ST6GALNAC6: variants seen among roughly 807,000 people sequenced by gnomAD.
ST6GALNAC6 encodes alpha-N-acetylgalactosaminide alpha-2,6-sialyltransferase 6.
In ST6GALNAC6, 19 loss-of-function variants were observed where a neutral mutation model predicts 34.3. The ratio of observed to expected loss-of-function variants is 0.55; its 90% CI spans 0.39 to 0.81. ST6GALNAC6 has a LOEUF of 0.81. Among genes scored for constraint, ST6GALNAC6 ranks in the 40% least tolerant of loss-of-function variants. The pLI is 0.00. For missense variants in ST6GALNAC6, 377 were observed against 467.7 expected (o/e 0.81, Z 1.79); for synonymous variants, 185 against 182.1 (o/e 1.02, Z -0.13).
At chr9:127,896,932 T>C (rs1830494992) in intron 2 of ST6GALNAC6, 6 of 985,250 alleles carry the variant, frequency 6.1e-6, no homozygotes, top group Non-Finnish European at 7.2e-6. Context: ...TTCAGGAATA[T>C]CGCTGAATGA....
chr9:127,889,346 CAAA>C (rs550479416), intron 5 of ST6GALNAC6, among the ~76,000 whole-genome samples: 28 of 123,602 alleles, frequency 2.3e-4, no homozygotes, highest in Non-Finnish European at 2.4e-4. Flanking sequence ...GACTCCCTCT[CAAA>C]AAAAAAAAAA....
At chr9:127,897,901 CCATGGT>C in intron 2 of ST6GALNAC6, 49 bp downstream of exon 2, 1 of 1,613,374 alleles carries the variant, frequency 6.2e-7, no homozygotes, top group African/African-American at 1.3e-5. Context: ...TCTGAGAAGG[CCATGGT>C]CAGTACAGCA....
chr9:127,905,908 G>T (rs542872943), upstream of ST6GALNAC6: 5 of 982,934 alleles, frequency 5.1e-6, no homozygotes, highest in East Asian at 4.5e-4. Context: ...CTCCACCTCC[G>T]CCTACCAGAC....
rs1246906807 is a variant in ST6GALNAC6 at position 127,886,297 on chromosome 9, G to T, written c.*302C>A. The T allele has an allele frequency of 1.5e-6, 1 of 651,716 alleles. No individual in the cohort carries two copies. Among genetic ancestry groups the T allele is most frequent in the Admixed American group, 3.7e-5 (1 of 27,244 alleles). 40.4% of individuals were successfully genotyped at this position (651,716 alleles called of 1,614,324 possible). On this transcript the variant is annotated 3_prime_UTR_variant, in exon 7 of 7. Coordinates refer to ENST00000373146, the MANE Select transcript of ST6GALNAC6 (RefSeq NM_013443.5). ...GGGGCTCTGAACCAAGGCCTCATGG[G>T]AAAGGACATGTCCTTAGCCTCAGAT...
At chr9:127,889,989 T>TGGCACCATCCTGGCTCACTGCAGC in intron 5 of ST6GALNAC6, among the ~76,000 whole-genome samples, 1 of 152,204 alleles carries the variant, frequency 6.6e-6, no homozygotes, top group East Asian at 1.9e-4. Context: ...TGGAGTGCAG[T>TGGCACCATCCTGGCTCACTGCAGC]GGCACCATCC....
chr9:127,888,319 C>T lies in ST6GALNAC6; in HGVS notation c.705-728G>A, dbSNP rs541428314. Among the ~76,000 whole-genome samples, 8 of 151,638 alleles carry T rather than the reference C, an allele frequency of 5.3e-5. No individual in the cohort carries two copies. In the South Asian group the frequency reaches 1.0e-3, roughly 20 times the overall value. On this transcript the variant is annotated intron_variant, in intron 5 of 6. Coordinates refer to ENST00000373146, the MANE Select transcript of ST6GALNAC6 (RefSeq NM_013443.5). Reference sequence around the variant, plus strand: ...AGGAATTGGAGACCAGCCTGGCCAACGTGGCGAAACCCTGTCTCTACTAAA... The same window carrying T: ...AGGAATTGGAGACCAGCCTGGCCAATGTGGCGAAACCCTGTCTCTACTAAA...
chr9:127,902,166 T>G (rs1830779696), upstream of ST6GALNAC6, among the ~76,000 whole-genome samples: 1 of 152,222 alleles, frequency 6.6e-6, no homozygotes, highest in Non-Finnish European at 1.5e-5. Context: ...TTTGGTTTTT[T>G]GTTTTTTATT....
Position 127,885,709 on chromosome 9 carries a change from G to A in ST6GALNAC6, c.*890C>T, listed in dbSNP as rs909854879. 2 of 152,220 alleles carry A rather than the reference G, an allele frequency of 1.3e-5. No individual in the cohort carries two copies. Among genetic ancestry groups the A allele is most frequent in the South Asian group, 4.1e-4 (2 of 4,826 alleles). The allele number at this position is 152,220 out of a possible 1,614,324, so 9.4% of individuals were successfully genotyped here. A position where few individuals can be genotyped will look rare whatever the true frequency, so the allele number is the denominator to read the frequency against. ...AACCTCCCTGCTAGAGGGCAGAAAA[G>A]GAGGCCTGGCCCTTTAAGAGCCAAG... is the stretch of plus-strand genomic sequence containing the variant. On this transcript the variant is annotated 3_prime_UTR_variant, in exon 7 of 7. Coordinates refer to ENST00000373146, the MANE Select transcript of ST6GALNAC6 (RefSeq NM_013443.5).
upstream of ST6GALNAC6, chr9:127,905,537 T>G: frequency 1.5e-6 from 1 of 685,408 alleles, no homozygotes; most frequent in Non-Finnish European, 1.8e-6. Flanking sequence ...GGAGTTCAAA[T>G]CCCATCAGAA....
At chr9:127,900,604 A>G (rs1830716902), upstream of ST6GALNAC6, among the ~76,000 whole-genome samples, 1 of 146,248 alleles carries the variant, frequency 6.8e-6, no homozygotes. Context: ...GCAGGTCAGT[A>G]TGTCTTGGCA....
At chr9:127,899,440 T>C in intron 1 of ST6GALNAC6, 63 bp downstream of exon 1, 17 of 667,486 alleles carry the variant, frequency 2.5e-5, no homozygotes, top group South Asian at 1.3e-4. Flanking sequence ...CCCGGCGCCC[T>C]CCGCCCCAGC....
rs559980834 is a variant in ST6GALNAC6, at chr9:127,898,067, G to A, written c.-29-57C>T. The A allele has an allele frequency of 1.2e-4, 105 of 904,394 alleles. No individual in the cohort carries two copies. In the African/African-American group the frequency reaches 1.7e-3, roughly 14 times the overall value. The allele number at this position is 904,394 out of a possible 1,614,324, so 56.0% of individuals were successfully genotyped here. On this transcript the variant is annotated intron_variant, in intron 1 of 6. Coordinates refer to ENST00000373146, the MANE Select transcript of ST6GALNAC6 (RefSeq NM_013443.5). ...TCAAGGGGTTGTTGGAAGGATTCAA[G>A]CAGATGTGGCAAGGGACACGCGGGG... is the stretch of plus-strand genomic sequence containing the variant.
chr9:127,889,694 C>T (rs752692372), intron 5 of ST6GALNAC6, among the ~76,000 whole-genome samples: 1 of 152,116 alleles, frequency 6.6e-6, no homozygotes, highest in African/African-American at 2.4e-5. Context: ...CCGTCCACTT[C>T]GGCCTCCCAA....
intron 1 of ST6GALNAC6, 118 bp from the exon 2 acceptor site, chr9:127,898,128 C>A: frequency 1.5e-6 from 1 of 657,792 alleles, no homozygotes; most frequent in East Asian, 2.8e-5. Flanking sequence ...GGCGCGGTGG[C>A]TCACGTCTGT....
intron 2 of ST6GALNAC6, chr9:127,897,701 TG>T: frequency 1.2e-6 from 1 of 817,792 alleles, no homozygotes; most frequent in Non-Finnish European, 1.8e-6. Context: ...TCCAGAATCC[TG>T]GGGTGGCCCC....
chr9:127,897,300 G>C (rs763062813), intron 2 of ST6GALNAC6: 57 of 985,738 alleles, frequency 5.8e-5, no homozygotes, highest in Non-Finnish European at 6.4e-5. Context: ...TGGGGCTTAG[G>C]GGGCCCTCCT....
chr9:127,902,042 T>A (rs1830776670), upstream of ST6GALNAC6, among the ~76,000 whole-genome samples: 1 of 152,226 alleles, frequency 6.6e-6, no homozygotes, highest in South Asian at 2.1e-4. Context: ...TTCAAGAGGT[T>A]CATGATATTT....
intron 4 of ST6GALNAC6, among the ~76,000 whole-genome samples, chr9:127,894,293 G>C (rs1189207539): frequency 1.3e-5 from 2 of 152,188 alleles, no homozygotes; most frequent in African/African-American, 4.8e-5. Flanking sequence ...TCTGATTCAG[G>C]AGATGGTAGG....
Position 127,890,885 on chromosome 9 carries a change from G to A in ST6GALNAC6, c.456C>T (p.Thr152=), listed in dbSNP as rs1374874175. The change falls in exon 5 of 7, where the codon ACC becomes ACT. Residue 152 remains threonine (T), a synonymous_variant. Coordinates refer to ENST00000373146, the MANE Select transcript of ST6GALNAC6 (RefSeq NM_013443.5). This position sits in a 1 kb window ranked among gnomAD's most constrained non-coding sequence, Gnocchi z 4.3. ...GYSADVGNKT[T]YRVVAHSSVF... The stretch of plus-strand genomic sequence containing the variant: ...CACTGGAATGGGCCACGACGCGGTA[G>A]GTGGTCTTGTTGCCCACATCAGCTG... 1.2e-6 allele frequency: 2 copies of A among 1,614,090 alleles called. No homozygotes were observed. Among genetic ancestry groups the A allele is most frequent in the Non-Finnish European group, 1.7e-6 (2 of 1,180,042 alleles).
Sources: gnomAD v4.1 joint callset for allele counts (sites outside exome capture counted in the v4.1 genomes callset) on GRCh38, gnomAD v4.1.1 for gene constraint, Gnocchi (gnomAD v3.1) non-coding constraint, MANE v1.5 for transcripts, NCBI Gene and HGNC (gene_info 2026-07-23, HGNC 2026-07-21) for gene names.